ZNF35: variants seen among roughly 807,000 people sequenced by gnomAD.
The protein encoded by ZNF35 is zinc finger protein 35 (clone HF.10).
ZNF35 carries 31 observed loss-of-function variants against 45.9 expected under a neutral mutation model. That is an observed-to-expected ratio of 0.68 (90% confidence interval 0.51 to 0.91). The LOEUF (loss-of-function observed/expected upper bound fraction) is 0.91, where lower values mean the gene tolerates loss of function less well. Ranked by LOEUF, ZNF35 falls within the 40% of genes least tolerant of loss-of-function variation. The pLI is 0.00. For missense variants in ZNF35, 515 were observed against 625.4 expected, an observed-to-expected ratio of 0.82 and a Z score of 1.88; for synonymous variants, 205 against 220.2, an observed-to-expected ratio of 0.93 and a Z score of 0.61.
At chr3:44,646,807 C>A, upstream of ZNF35, 1 of 352,702 alleles carries the variant, frequency 2.8e-6, no homozygotes, top group East Asian at 5.2e-5. Flanking sequence ...ACATAAATGG[C>A]CAATTGATTT....
At chr3:44,648,470 T>C (rs1334660381), upstream of ZNF35, 2 of 152,208 alleles carry the variant, frequency 1.3e-5, no homozygotes, top group Non-Finnish European at 2.9e-5. Flanking sequence ...GAGGGGAAAT[T>C]ATCAGGGCTT....
chr3:44,656,491 A>G (rs151188252), intron 3 of ZNF35, among the ~76,000 whole-genome samples: 5 of 151,672 alleles, frequency 3.3e-5, no homozygotes, highest in East Asian at 3.9e-4. Flanking sequence ...CCTGGGTTCA[A>G]TTGATTCTTA....
rs768954093 is a variant in ZNF35, at chr3:44,659,348, A to G, written c.985A>G (p.Ile329Val). The G allele has an allele frequency of 1.4e-5, 22 of 1,614,134 alleles. No individual in the cohort carries two copies. The highest frequency in any genetic ancestry group is 1.6e-4 in the Middle Eastern group (1 of 6,062). Residue 329 changes from isoleucine to valine, a missense_variant, in exon 4 of 4, where the codon ATT (isoleucine) becomes GTT (valine). By Grantham distance (29) the Ile-to-Val change is conservative (BLOSUM62 3). This residue lies in a region of ZNF35 where 232 missense variants were observed against 304.6 expected (regional missense o/e 0.76). Transcript: ENST00000396056. The surrounding 1 kb of genome is among the most constrained non-coding windows in gnomAD (Gnocchi z 4.3). ...SQLARHQKVH[I>V]TEKCYECNEC... ...ACTTGCTCGGCACCAGAAAGTCCAC[A>G]TTACGGAAAAATGCTATGAATGTAA...
chr3:44,655,839 C>A (rs1378800607), intron 3 of ZNF35, among the ~76,000 whole-genome samples: 1 of 152,226 alleles, frequency 6.6e-6, no homozygotes, highest in African/African-American at 2.4e-5. Context: ...CCGTTATTGG[C>A]TCTAATCAGT....
chr3:44,646,908 A>C (rs1023960987), upstream of ZNF35: 46 of 184,982 alleles, frequency 2.5e-4, no homozygotes, highest in Admixed American at 8.2e-4. Flanking sequence ...CAGTAAACCA[A>C]CAACTTCAGG....
chr3:44,659,627 G>C lies in ZNF35; in HGVS notation c.1264G>C (p.Glu422Gln), dbSNP rs145933265. ...TGCAGAGAAACCTTACGACTGCAGC[G>C]AATGTGGGAAAGCCTTCAGTCAGCT... The part of the protein sequence containing the change: ...HTAEKPYDCS[E>Q]CGKAFSQLSC... Residue 422 changes from glutamate to glutamine, a missense_variant, in exon 4 of 4, where the codon GAA becomes CAA. By Grantham distance (29) the Glu-to-Gln change is conservative. Transcript: ENST00000396056. This position sits in a 1 kb window ranked among gnomAD's most constrained non-coding sequence, Gnocchi z 4.3. 5.6e-6 allele frequency: 9 copies of C among 1,613,924 alleles called. No individual in the cohort carries two copies. In the South Asian group the frequency reaches 9.9e-5, roughly 18 times the overall value.
intron 1 of ZNF35, among the ~76,000 whole-genome samples, chr3:44,650,554 T>G (rs762680731): frequency 6.6e-6 from 1 of 152,234 alleles, no homozygotes; most frequent in Non-Finnish European, 1.5e-5. Flanking sequence ...ATCATAATTA[T>G]TAGTAGTATG....
At chr3:44,650,608 G>A (rs1703184134) in intron 1 of ZNF35, among the ~76,000 whole-genome samples, 1 of 152,182 alleles carries the variant, frequency 6.6e-6, no homozygotes, top group Non-Finnish European at 1.5e-5. Context: ...ATCTTAAAAT[G>A]TATAGTGGTT....
upstream of ZNF35, chr3:44,646,671 A>G (rs1702976672): frequency 1.6e-6 from 1 of 609,218 alleles, no homozygotes; most frequent in African/African-American, 1.9e-5. Context: ...AGTTTATTAT[A>G]CCATTCTCTG....
In ZNF35 at chr3:44,659,080, G is replaced by A; in HGVS notation, c.717G>A (p.Val239=). 6.2e-7 allele frequency: 1 copy of A among 1,614,160 alleles called. No homozygotes were observed. Among genetic ancestry groups the A allele is most frequent in the Non-Finnish European group, 8.5e-7 (1 of 1,180,024 alleles). The change falls in exon 4 of 4, where the codon GTG becomes GTA. Residue 239 remains valine (V), a synonymous_variant. Transcript: ENST00000396056. This position sits in a 1 kb window ranked among gnomAD's most constrained non-coding sequence, Gnocchi z 4.3. ...TTAGTCAGAGTGCAAACCTCGTTGT[G>A]CATCAGCGAATCCACACTGGAGAGA... is the stretch of plus-strand genomic sequence containing the variant. The part of the protein sequence containing the change: ...KGFSQSANLV[V]HQRIHTGEKP...
chr3:44,657,088 T>C (rs1703323143), intron 3 of ZNF35, among the ~76,000 whole-genome samples: 1 of 152,232 alleles, frequency 6.6e-6, no homozygotes, highest in South Asian at 2.1e-4. Flanking sequence ...TCATCTTGTC[T>C]GAATGATTGT....
chr3:44,648,355 A>G (rs180792107), upstream of ZNF35: 1 of 152,354 alleles, frequency 6.6e-6, no homozygotes, highest in East Asian at 1.9e-4. Flanking sequence ...AGATCAGGCA[A>G]ACATAGCAAA....
At chr3:44,650,094 A>AGT (rs1703162267) in intron 1 of ZNF35, among the ~76,000 whole-genome samples, 1 of 149,712 alleles carries the variant, frequency 6.7e-6, no homozygotes, top group African/African-American at 2.5e-5. Context: ...GTGTGTGTGT[A>AGT]GTGTGTGTAG....
chr3:44,646,574 G>C (rs1267684876), upstream of ZNF35: 1 of 1,005,990 alleles, frequency 9.9e-7, no homozygotes, highest in Admixed American at 1.7e-5. Flanking sequence ...TATTGCATAA[G>C]AAAGCTGCCC....
At chr3:44,646,885 G>T, upstream of ZNF35, 1 of 219,462 alleles carries the variant, frequency 4.6e-6, no homozygotes, top group South Asian at 7.8e-5. Context: ...TGGAGTAATT[G>T]GATATCCATA....
chr3:44,646,709 A>G (rs1702978306), upstream of ZNF35: 1 of 554,622 alleles, frequency 1.8e-6, no homozygotes, highest in Non-Finnish European at 3.2e-6. Context: ...AAATTTCGAT[A>G]TGAAAGGTAT....
chr3:44,653,471 T>C (rs775282684), intron 3 of ZNF35, among the ~76,000 whole-genome samples: 3 of 152,216 alleles, frequency 2.0e-5, no homozygotes, highest in Non-Finnish European at 2.9e-5. Flanking sequence ...TGTAGGCACA[T>C]GTCCTTTTTA....
At position 44,651,128 on chromosome 3, in the gene ZNF35, AAGG is replaced by A. The variant is rs76427849; in HGVS notation, c.69_71del (p.Glu27del). On this transcript the variant is annotated inframe_deletion, in exon 2 of 4. Coordinates refer to ENST00000396056, the MANE Select transcript of ZNF35 (RefSeq NM_003420.4). ...CCCATGGGGCCCAGTGAAGGTGAAA[AAGG>A]AGGAGGAAGAAGAAGAAAACTTCCC... 1.0e-3 allele frequency: 1,667 copies of A among 1,614,104 alleles called. 36 individuals carry two copies. The East Asian group carries it at 0.033, about 32-fold the overall frequency.
chr3:44,659,791 T>C lies in ZNF35; in HGVS notation c.1428T>C (p.Cys476=). 1 of 1,613,956 alleles carries C rather than the reference T, an allele frequency of 6.2e-7. No homozygotes were observed. Among genetic ancestry groups the C allele is most frequent in the South Asian group, 1.1e-5 (1 of 91,072 alleles). The change falls in exon 4 of 4, where the codon TGT becomes TGC. Residue 476 remains cysteine, a synonymous_variant. Coordinates refer to ENST00000396056, the MANE Select transcript of ZNF35 (RefSeq NM_003420.4). This position sits in a 1 kb window ranked among gnomAD's most constrained non-coding sequence, Gnocchi z 4.3. The stretch of plus-strand genomic sequence containing the variant: ...ATAATGGAGAAAAACCTTACACATG[T>C]AATGAGTGTGGGAAGGCCTTCAGAC... The part of the protein sequence containing the change: ...RIHNGEKPYT[C]NECGKAFRQR...
Sources: gnomAD v4.1 joint callset for allele counts (sites outside exome capture counted in the v4.1 genomes callset) on GRCh38, gnomAD v4.1.1 for gene constraint, gnomAD v4.1.1 regional missense constraint, Gnocchi (gnomAD v3.1) non-coding constraint, MANE v1.5 for transcripts, NCBI Gene and HGNC (gene_info 2026-07-23, HGNC 2026-07-21) for gene names.